The following CAST variants were observed in gnomAD, a reference collection of about 807,000 sequenced individuals.
The protein encoded by CAST is MIR583 host.
In CAST, 76 loss-of-function variants were observed where a neutral mutation model predicts 119.6. That is an observed-to-expected ratio of 0.64 (90% CI 0.53 to 0.77). CAST has a LOEUF of 0.77. Among genes scored for constraint, CAST ranks in the 30% least tolerant of loss-of-function variants. The probability of loss-of-function intolerance (pLI) is 0.00; values close to 1 mark genes in which losing one functional copy is unlikely to be tolerated. For synonymous variants in CAST, 319 were observed against 331.6 expected (o/e 0.96, Z 0.41); for missense variants, 953 against 946.5 (o/e 1.01, Z -0.09).
At chr5:96,767,520 T>G in intron 28 of CAST, 38 bp downstream of exon 28, 2 of 1,558,888 alleles carry the variant, frequency 1.3e-6, no homozygotes, top group Non-Finnish European at 1.8e-6. Context: ...TAAATTTTGT[T>G]TTATTCTAGC....
the CAST span, among the ~76,000 whole-genome samples, chr5:96,098,784 T>TA: frequency 6.6e-6 from 1 of 152,212 alleles, no homozygotes; most frequent in Non-Finnish European, 1.5e-5. Context: ...TCCTTTTGCT[T>TA]AGGATTGCCT....
At chr5:96,016,626 G>A in the CAST span, among the ~76,000 whole-genome samples, 3 of 152,142 alleles carry the variant, frequency 2.0e-5, no homozygotes, top group African/African-American at 4.8e-5. Context: ...TTATGTGCTA[G>A]TATTATTTTA....
At chr5:96,310,100 A>T in the CAST span, among the ~76,000 whole-genome samples, 1,411 of 152,326 alleles carry the variant, frequency 9.3e-3, 27 homozygotes, top group African/African-American at 0.033. Context: ...AATTACTGTT[A>T]TTCCATAGCT....
At chr5:96,754,765 T>C (rs780044076) in intron 22 of CAST, 24 bp downstream of exon 22, 5 of 1,325,812 alleles carry the variant, frequency 3.8e-6, no homozygotes, top group East Asian at 2.3e-5. Context: ...AGTCTTTTTC[T>C]ATTTTATTTT....
chr5:96,431,014 T>C, the CAST span, among the ~76,000 whole-genome samples: 3 of 152,198 alleles, frequency 2.0e-5, no homozygotes, highest in African/African-American at 4.8e-5. Flanking sequence ...ATTTAGTTTT[T>C]GCTGTCTTCC....
the CAST span, among the ~76,000 whole-genome samples, chr5:96,290,720 T>A: frequency 5.3e-5 from 8 of 152,212 alleles, no homozygotes; most frequent in Non-Finnish European, 1.2e-4. Flanking sequence ...GAATGACATT[T>A]AATTAGAATG....
At chr5:96,729,037 C>T (rs1392156036) in intron 6 of CAST, 116 bp from the exon 7 acceptor site, 3 of 668,164 alleles carry the variant, frequency 4.5e-6, no homozygotes, top group Non-Finnish European at 7.9e-6. Flanking sequence ...TGGGCCTAAG[C>T]GGGCTTTTCC....
At chr5:96,143,150 A>G in the CAST span, among the ~76,000 whole-genome samples, 942 of 152,376 alleles carry the variant, frequency 6.2e-3, 12 homozygotes, top group African/African-American at 0.022. Flanking sequence ...GACCATAATA[A>G]GAAGTAATTG....
At chr5:96,359,153 C>CA in the CAST span, among the ~76,000 whole-genome samples, 1 of 152,156 alleles carries the variant, frequency 6.6e-6, no homozygotes, top group African/African-American at 2.4e-5. Flanking sequence ...ACTAGGATTG[C>CA]AACCCCTGCT....
the CAST span, among the ~76,000 whole-genome samples, chr5:96,254,073 A>AT: frequency 6.6e-6 from 1 of 152,178 alleles, no homozygotes; most frequent in East Asian, 1.9e-4. Context: ...AACTCTAATT[A>AT]TTTTTTAAAT....
At chr5:96,726,748 T>G (rs753455853) in intron 4 of CAST, 46 bp from the exon 5 acceptor site, 3 of 1,333,290 alleles carry the variant, frequency 2.3e-6, no homozygotes, top group Non-Finnish European at 3.2e-6. Context: ...CTTATTTGAC[T>G]GACAGATAAA....
the CAST span, among the ~76,000 whole-genome samples, chr5:96,198,688 A>G: frequency 6.6e-6 from 1 of 152,274 alleles, no homozygotes; most frequent in African/African-American, 2.4e-5. Context: ...TTCATACACA[A>G]ACTAATCATT....
chr5:96,446,766 G>A, the CAST span, among the ~76,000 whole-genome samples: 1 of 152,162 alleles, frequency 6.6e-6, no homozygotes, highest in African/African-American at 2.4e-5. Context: ...GAGAATAGAT[G>A]AAGAGTCAGG....
chr5:96,602,439 A>AAT (rs1363039358), intron 1 of CAST, among the ~76,000 whole-genome samples: 1 of 152,204 alleles, frequency 6.6e-6, no homozygotes, highest in African/African-American at 2.4e-5. Flanking sequence ...TATTAGGATA[A>AAT]ATATTATAAA....
the CAST span, among the ~76,000 whole-genome samples, chr5:96,505,538 T>C: frequency 2.6e-5 from 4 of 152,190 alleles, no homozygotes; most frequent in Non-Finnish European, 5.9e-5. Flanking sequence ...AATCCTCTTC[T>C]GTCACTGCTG....
the CAST span, among the ~76,000 whole-genome samples, chr5:96,106,415 A>G: frequency 6.6e-6 from 1 of 152,120 alleles, no homozygotes; most frequent in African/African-American, 2.4e-5. Context: ...AGATTCTGGT[A>G]TGTTGTGTTT....
chr5:96,620,054 T>A (rs1267334245), intron 1 of CAST, among the ~76,000 whole-genome samples: 1 of 152,192 alleles, frequency 6.6e-6, no homozygotes, highest in Non-Finnish European at 1.5e-5. Context: ...ACAATGCATG[T>A]TAATTTGCAG....
At chr5:96,716,270 A>G (rs1480106927) in intron 3 of CAST, among the ~76,000 whole-genome samples, 2 of 152,176 alleles carry the variant, frequency 1.3e-5, no homozygotes, top group African/African-American at 4.8e-5. Context: ...GGTTTTGCGT[A>G]TATGTGTTTT....
chr5:96,559,160 C>T (rs569476003), intron 1 of CAST, among the ~76,000 whole-genome samples: 10 of 152,210 alleles, frequency 6.6e-5, no homozygotes, highest in African/African-American at 2.2e-4. Context: ...TTCAACAACC[C>T]TTCATGCTAA....
Sources: allele counts gnomAD v4.1 joint callset (sites outside exome capture counted in the v4.1 genomes callset), GRCh38; gene constraint gnomAD v4.1.1; transcripts MANE v1.5; gene names NCBI Gene and HGNC (gene_info 2026-07-23, HGNC 2026-07-21).